The following THSD7A variants were observed in gnomAD, a reference collection of about 807,000 sequenced individuals.
THSD7A encodes thrombospondin type-1 domain-containing protein 7A.
Under a neutral mutation model 231.3 loss-of-function variants are expected in THSD7A, and 96 were observed. That is an observed-to-expected ratio of 0.41 (90% CI 0.35 to 0.49). The LOEUF (loss-of-function observed/expected upper bound fraction) is 0.49, where lower values mean the gene tolerates loss of function less well. Among genes scored for constraint, THSD7A ranks in the 20% least tolerant of loss-of-function variants. The pLI, the probability that THSD7A is intolerant of heterozygous loss-of-function variation, is 0.05. For missense variants in THSD7A, 2,290 were observed against 2,070.2 expected, an observed-to-expected ratio of 1.11 and a Z score of -2.06; for synonymous variants, 940 against 743.3, an observed-to-expected ratio of 1.26 and a Z score of -4.30.
chr7:11,454,463 A>T (rs1434334440), intron 11 of THSD7A, among the ~76,000 whole-genome samples: 2 of 151,848 alleles, frequency 1.3e-5, no homozygotes, highest in African/African-American at 2.4e-5. Flanking sequence ...CTGGTCAATG[A>T]GCTGTTCCTA....
rs1243967504 is a variant in THSD7A at position 11,543,165 on chromosome 7, A to T, written c.1454-48T>A. ...ATTAAAAAATGAACAAAAGGAACAT[A>T]TATGGCCAACAATATGATTTTTCTG... On this transcript the variant is annotated intron_variant, in intron 4 of 27. Coordinates refer to ENST00000423059, the MANE Select transcript of THSD7A (RefSeq NM_015204.3). 6 of 1,532,800 alleles carry T rather than the reference A, an allele frequency of 3.9e-6. No homozygotes were observed. The African/African-American group carries it at 6.9e-5, about 18-fold the overall frequency. 94.9% of individuals were successfully genotyped at this position (1,532,800 alleles called of 1,614,324 possible).
chr7:11,450,574 G>A lies in THSD7A; in HGVS notation c.2606-3150C>T, dbSNP rs769811006. Among the ~76,000 whole-genome samples the A allele has an allele frequency of 5.9e-5, 9 of 152,114 alleles. No individual in the cohort carries two copies. The East Asian group carries it at 7.7e-4, about 13-fold the overall frequency. On this transcript the variant is annotated intron_variant, in intron 11 of 27. Transcript: ENST00000423059. ...GAAATGAACTTCCTGATACTAGGGC[G>A]AGGAAAATATAAATGTTTGGAAAGG...
chr7:11,617,308 C>T (rs1432998010), intron 2 of THSD7A, among the ~76,000 whole-genome samples: 2 of 152,178 alleles, frequency 1.3e-5, no homozygotes, highest in South Asian at 2.1e-4. Context: ...CTATTTGCTG[C>T]TCAGGTATAT....
At chr7:11,780,286 A>C (rs886773246) in intron 1 of THSD7A, among the ~76,000 whole-genome samples, 1 of 152,160 alleles carries the variant, frequency 6.6e-6, no homozygotes, top group Non-Finnish European at 1.5e-5. Flanking sequence ...AGTCTATAAC[A>C]CTGTCTTCAT....
chr7:11,621,726 AATT>A (rs1233483072), intron 2 of THSD7A, among the ~76,000 whole-genome samples: 2 of 152,092 alleles, frequency 1.3e-5, no homozygotes, highest in African/African-American at 4.8e-5. Context: ...AATTATTAAT[AATT>A]AAGGATAAAA....
At chr7:11,830,620 A>G (rs1785165987) in intron 1 of THSD7A, among the ~76,000 whole-genome samples, 1 of 152,218 alleles carries the variant, frequency 6.6e-6, no homozygotes, top group African/African-American at 2.4e-5. Context: ...GACTTTAAAT[A>G]AATTTCTGTT....
At chr7:11,628,522 T>G (rs564455353) in intron 2 of THSD7A, among the ~76,000 whole-genome samples, 147 of 152,110 alleles carry the variant, frequency 9.7e-4, no homozygotes, top group African/African-American at 3.5e-3. Context: ...CAGGAAGAAC[T>G]CATTATCTCT....
At chr7:11,437,806 T>C (rs948604941) in intron 13 of THSD7A, among the ~76,000 whole-genome samples, 1 of 152,090 alleles carries the variant, frequency 6.6e-6, no homozygotes, top group Non-Finnish European at 1.5e-5. Context: ...TATATAATCT[T>C]TGGTAGAATC....
intron 16 of THSD7A, among the ~76,000 whole-genome samples, chr7:11,419,113 T>G (rs1244156897): frequency 6.6e-6 from 1 of 152,176 alleles, no homozygotes; most frequent in Non-Finnish European, 1.5e-5. Context: ...AAGGATTAAC[T>G]TGTAGAATTA....
At chr7:11,596,297 T>C (rs946161184) in intron 2 of THSD7A, among the ~76,000 whole-genome samples, 5 of 152,184 alleles carry the variant, frequency 3.3e-5, no homozygotes, top group African/African-American at 4.8e-5. Context: ...GGCTCGGAGC[T>C]GACATTGATT....
intron 1 of THSD7A, among the ~76,000 whole-genome samples, chr7:11,804,418 T>A (rs1339265465): frequency 6.6e-6 from 1 of 152,200 alleles, no homozygotes; most frequent in Admixed American, 6.5e-5. Context: ...AGTTTCGAAG[T>A]TATCAGTTTT....
rs534225824 is a variant in THSD7A at position 11,577,564 on chromosome 7, G to A, written c.1453+12896C>T. On this transcript the variant is annotated intron_variant, in intron 4 of 27. Transcript: ENST00000423059. ...ACTCCTGGCTTCAAGTGATCTGCCC[G>A]CCTCAGCCTCCCAAAGGCCTGGGGT... Among the ~76,000 whole-genome samples the A allele has an allele frequency of 3.3e-5, 5 of 151,534 alleles. No individual in the cohort carries two copies. The South Asian group carries it at 6.3e-4, about 19-fold the overall frequency.
In THSD7A at chr7:11,541,489, G is replaced by T; in HGVS notation, c.1752C>A (p.Cys584Ter). 1.2e-6 allele frequency: 2 copies of T among 1,613,814 alleles called. No homozygotes were observed. Residue 584 changes from cysteine to a stop codon, truncating the protein, a stop_gained, in exon 6 of 28, where the codon TGC becomes TGA. Transcript: ENST00000423059. LOFTEE classifies it high-confidence loss of function. ...YDWKAVRLGN[C>*]EPDNGKECGP... ...CACACTCCTTTCCGTTATCTGGCTC[G>T]CAGTTTCCCAGTCTCACTGCTTTCC...
chr7:11,783,372 G>T (rs557312759), intron 1 of THSD7A, among the ~76,000 whole-genome samples: 5 of 152,192 alleles, frequency 3.3e-5, no homozygotes, highest in South Asian at 2.1e-4. Context: ...AAAACAGAAT[G>T]GTTGTGTAGA....
At chr7:11,387,420 T>C (rs748390905) in intron 23 of THSD7A, among the ~76,000 whole-genome samples, 3 of 152,176 alleles carry the variant, frequency 2.0e-5, no homozygotes, top group Non-Finnish European at 2.9e-5. Context: ...CTTGAAGAGG[T>C]CCTTCACATC....
At chr7:11,807,354 A>C (rs1338009388) in intron 1 of THSD7A, among the ~76,000 whole-genome samples, 1 of 152,136 alleles carries the variant, frequency 6.6e-6, no homozygotes, top group Non-Finnish European at 1.5e-5. Context: ...TAACACCCTG[A>C]AGTAAGTGTT....
intron 6 of THSD7A, among the ~76,000 whole-genome samples, chr7:11,532,094 C>A (rs1322293555): frequency 6.6e-6 from 1 of 151,978 alleles, no homozygotes; most frequent in Non-Finnish European, 1.5e-5. Context: ...TATCTTGAGA[C>A]CACCTAGAAA....
chr7:11,536,877 C>T (rs1233847138), intron 6 of THSD7A, among the ~76,000 whole-genome samples: 1 of 152,134 alleles, frequency 6.6e-6, no homozygotes, highest in Non-Finnish European at 1.5e-5. Context: ...CCGATTGTCC[C>T]ACTTACCTCT....
chr7:11,601,647 G>T (rs76189798), intron 2 of THSD7A, among the ~76,000 whole-genome samples: 4 of 152,112 alleles, frequency 2.6e-5, no homozygotes, highest in Non-Finnish European at 4.4e-5. Flanking sequence ...TCAACCAGAC[G>T]AGCAATGTGT....
Sources: allele counts gnomAD v4.1 joint callset (sites outside exome capture counted in the v4.1 genomes callset), GRCh38; gene constraint gnomAD v4.1.1; transcripts MANE v1.5; gene names NCBI Gene and HGNC (gene_info 2026-07-23, HGNC 2026-07-21).